The following TCF12 variants were observed in gnomAD, a reference collection of about 807,000 sequenced individuals.
TCF12 encodes the protein DNA-binding protein HTF4.
TCF12 carries 45 observed loss-of-function variants against 86.0 expected under a neutral mutation model. That is an observed-to-expected ratio of 0.52 (90% CI 0.41 to 0.67). The LOEUF (loss-of-function observed/expected upper bound fraction) is 0.67. TCF12 is among the 30% of genes least tolerant of loss of function. The pLI is 0.00. For missense variants in TCF12, 881 were observed against 859.9 expected, an observed-to-expected ratio of 1.02 and a Z score of -0.31; for synonymous variants, 330 against 299.6, an observed-to-expected ratio of 1.10 and a Z score of -1.05.
At chr15:57,012,715 CA>C (rs1299957013) in intron 3 of TCF12, among the ~76,000 whole-genome samples, 2 of 152,134 alleles carry the variant, frequency 1.3e-5, no homozygotes, top group African/African-American at 2.4e-5. Context: ...TATAGCTTTG[CA>C]TTGGTTGTGG....
At chr15:56,931,759 A>G (rs1465414656) in intron 3 of TCF12, among the ~76,000 whole-genome samples, 1 of 152,170 alleles carries the variant, frequency 6.6e-6, no homozygotes, top group African/African-American at 2.4e-5. Context: ...GCTCAGACCC[A>G]CTACTGTTTA....
chr15:56,979,893 A>T (rs2062803406), intron 3 of TCF12, among the ~76,000 whole-genome samples: 1 of 152,200 alleles, frequency 6.6e-6, no homozygotes, highest in Admixed American at 6.5e-5. Flanking sequence ...ACTCTGTGTA[A>T]TGTAACTGAA....
At chr15:56,973,694 A>G (rs1010962792) in intron 3 of TCF12, among the ~76,000 whole-genome samples, 3 of 152,156 alleles carry the variant, frequency 2.0e-5, no homozygotes, top group African/African-American at 7.2e-5. Context: ...AGATACTTAC[A>G]TAGATAGATT....
Position 57,155,845 on chromosome 15 carries a change from G to T in TCF12, c.326-10557G>T, listed in dbSNP as rs545349637. ...TAGTAGAACCTAAATGGGATTTAAG[G>T]CTCTCTTCTGGGCTTTCTCCATGTG... On this transcript the variant is annotated intron_variant, in intron 5 of 20. Transcript: ENST00000333725. Among the ~76,000 whole-genome samples, 38 of 152,202 alleles carry T rather than the reference G, an allele frequency of 2.5e-4. 1 individual carries two copies. The highest frequency in any genetic ancestry group is 2.4e-3 in the Admixed American group (36 of 15,286).
At chr15:57,146,275 A>C (rs552525890) in intron 5 of TCF12, among the ~76,000 whole-genome samples, 1 of 152,312 alleles carries the variant, frequency 6.6e-6, no homozygotes, top group East Asian at 1.9e-4. Context: ...TGTAACTGAT[A>C]GTAGCAAGGT....
chr15:56,994,749 T>C (rs182578382), intron 3 of TCF12, among the ~76,000 whole-genome samples: 9 of 152,200 alleles, frequency 5.9e-5, no homozygotes, highest in African/African-American at 2.2e-4. Context: ...CATAAGGGCA[T>C]TTTCCGGTAA....
At chr15:57,028,649 C>T (rs1251689059) in intron 3 of TCF12, among the ~76,000 whole-genome samples, 2 of 152,082 alleles carry the variant, frequency 1.3e-5, no homozygotes, top group African/African-American at 4.8e-5. Context: ...TCTGAATAGT[C>T]TTTTGAGGGG....
chr15:57,042,328 C>T (rs1280495889), intron 3 of TCF12, among the ~76,000 whole-genome samples: 2 of 151,862 alleles, frequency 1.3e-5, no homozygotes, highest in African/African-American at 2.4e-5. Flanking sequence ...GATAAAGGAT[C>T]GAAAACAGAG....
At chr15:57,210,941 G>A (rs1255386362) in intron 8 of TCF12, among the ~76,000 whole-genome samples, 1 of 152,188 alleles carries the variant, frequency 6.6e-6, no homozygotes, top group Non-Finnish European at 1.5e-5. Context: ...CTTTATTACA[G>A]AATAGTGCAG....
chr15:57,197,940 A>G (rs2057353348), intron 8 of TCF12, 115 bp downstream of exon 8: 2 of 996,582 alleles, frequency 2.0e-6, no homozygotes, highest in Admixed American at 2.3e-5. Flanking sequence ...TTACATAGTA[A>G]TTGTTCAGTG....
chr15:57,161,359 T>A (rs2054494632), intron 5 of TCF12, among the ~76,000 whole-genome samples: 1 of 152,214 alleles, frequency 6.6e-6, no homozygotes, highest in Admixed American at 6.5e-5. Context: ...TGAACTTCAG[T>A]CATTTGCTGT....
chr15:57,221,413 C>T (rs878860202), intron 8 of TCF12, among the ~76,000 whole-genome samples: 1 of 59,060 alleles, frequency 1.7e-5, no homozygotes, highest in East Asian at 5.5e-4. Context: ...TGTGTGTGTG[C>T]ACGTGTATAA....
chr15:57,103,719 T>G (rs1434618671), intron 5 of TCF12, among the ~76,000 whole-genome samples: 1 of 152,210 alleles, frequency 6.6e-6, no homozygotes, highest in East Asian at 1.9e-4. Context: ...TAAGTTATAA[T>G]ATGGTCATAT....
At chr15:57,165,688 C>G (rs1226947001) in intron 5 of TCF12, among the ~76,000 whole-genome samples, 1 of 151,984 alleles carries the variant, frequency 6.6e-6, no homozygotes, top group Non-Finnish European at 1.5e-5. Flanking sequence ...AGGCGCATAC[C>G]ACCATGCCTG....
intron 19 of TCF12, among the ~76,000 whole-genome samples, chr15:57,279,148 G>A (rs1187472182): frequency 6.6e-6 from 1 of 151,826 alleles, no homozygotes; most frequent in East Asian, 1.9e-4. Flanking sequence ...GTGGGTACCA[G>A]CACACCTGGC....
At chr15:57,283,934 G>A (rs1214825444) in intron 20 of TCF12, among the ~76,000 whole-genome samples, 1 of 152,066 alleles carries the variant, frequency 6.6e-6, no homozygotes, top group Non-Finnish European at 1.5e-5. Flanking sequence ...GAAGAGTTAA[G>A]GCAGTTATTT....
rs539456648 is a variant in TCF12 at position 57,286,870 on chromosome 15, G to C, written c.*725G>C. ...CTGAACAGTTTATGGTCACAGTCCA[G>C]CCTCCTCCGTGCAGCCCTGTGTGCT... On this transcript the variant is annotated 3_prime_UTR_variant, in exon 21 of 21. Coordinates refer to ENST00000333725, the MANE Select transcript of TCF12 (RefSeq NM_207037.2). 3.5e-4 allele frequency: 126 copies of C among 358,032 alleles called. No homozygotes were observed. The highest frequency in any genetic ancestry group is 2.5e-3 in the African/African-American group (119 of 46,866). 22.2% of individuals were successfully genotyped at this position (358,032 alleles called of 1,614,324 possible).
At chr15:56,957,645 T>G (rs2061555826) in intron 3 of TCF12, among the ~76,000 whole-genome samples, 1 of 152,222 alleles carries the variant, frequency 6.6e-6, no homozygotes, top group Non-Finnish European at 1.5e-5. Context: ...TGTCTGTTGA[T>G]TCTAACATCT....
chr15:57,264,066 CT>C (rs2060717135), intron 18 of TCF12, among the ~76,000 whole-genome samples: 6 of 151,772 alleles, frequency 4.0e-5, no homozygotes, highest in Non-Finnish European at 7.4e-5. Context: ...TTAACCTTAG[CT>C]TACTGTATGT....
Sources: allele counts gnomAD v4.1 joint callset (sites outside exome capture counted in the v4.1 genomes callset), GRCh38; gene constraint gnomAD v4.1.1; transcripts MANE v1.5; gene names NCBI Gene and HGNC (gene_info 2026-07-23, HGNC 2026-07-21).